Variants in UHRF2 observed in about 807,000 individuals in gnomAD.
The protein encoded by UHRF2 is ubiquitin like with PHD and ring finger domains 2.
UHRF2 carries 23 observed loss-of-function variants against 96.8 expected under a neutral mutation model. The observed-to-expected ratio is 0.24, with a 90% CI of 0.17 to 0.34. The LOEUF (loss-of-function observed/expected upper bound fraction) is 0.34. UHRF2 is among the 10% of genes least tolerant of loss of function. The pLI, the probability that UHRF2 is intolerant of heterozygous loss-of-function variation, is 1.00. For synonymous variants in UHRF2, 385 were observed against 332.6 expected (o/e 1.16, Z -1.72); for missense variants, 685 against 981.5 (o/e 0.70, Z 4.04).
intron 4 of UHRF2, among the ~76,000 whole-genome samples, chr9:6,467,705 C>G (rs992612134): frequency 7.0e-6 from 1 of 142,144 alleles, no homozygotes; most frequent in Non-Finnish European, 1.5e-5. Flanking sequence ...TTTGAATTTG[C>G]TTGTTTACTA....
intron 3 of UHRF2, among the ~76,000 whole-genome samples, chr9:6,443,848 T>C (rs1821331993): frequency 6.6e-6 from 1 of 152,228 alleles, no homozygotes; most frequent in Admixed American, 6.5e-5. Context: ...CTGGCAAACG[T>C]CTTAAAATAT....
chr9:6,479,448 A>G (rs1823791090), intron 6 of UHRF2, among the ~76,000 whole-genome samples: 1 of 152,040 alleles, frequency 6.6e-6, no homozygotes, highest in Non-Finnish European at 1.5e-5. Flanking sequence ...ACCAGATTTC[A>G]GAGCACCCCA....
At chr9:6,475,226 C>T (rs1823495103) in intron 4 of UHRF2, among the ~76,000 whole-genome samples, 165 bp from the exon 5 acceptor site, 1 of 152,120 alleles carries the variant, frequency 6.6e-6, no homozygotes, top group Non-Finnish European at 1.5e-5. Context: ...TCACTATGGA[C>T]TTTTCCTACT....
At chr9:6,473,316 G>GA (rs1365380456) in intron 4 of UHRF2, among the ~76,000 whole-genome samples, 1 of 152,160 alleles carries the variant, frequency 6.6e-6, no homozygotes, top group African/African-American at 2.4e-5. Context: ...AGTCAGTATG[G>GA]AAGTTGTTAG....
intron 4 of UHRF2, among the ~76,000 whole-genome samples, chr9:6,470,936 A>G (rs931498793): frequency 8.5e-5 from 13 of 152,232 alleles, no homozygotes; most frequent in Admixed American, 7.2e-4. Context: ...ATCAGCCTTT[A>G]TATTAACTGT....
chr9:6,423,878 G>T (rs191701266), intron 2 of UHRF2, among the ~76,000 whole-genome samples: 27 of 152,208 alleles, frequency 1.8e-4, no homozygotes, highest in African/African-American at 6.5e-4. Flanking sequence ...TTGGAGGGCA[G>T]AGGTTGCAGT....
At chr9:6,494,928 C>A (rs1056992014) in intron 10 of UHRF2, 4 of 152,116 alleles carry the variant, frequency 2.6e-5, no homozygotes, top group African/African-American at 7.2e-5. Context: ...TTTTACTGAA[C>A]CAGCAGAGGA....
At chr9:6,442,218 C>T (rs1007169185) in intron 3 of UHRF2, among the ~76,000 whole-genome samples, 1 of 152,164 alleles carries the variant, frequency 6.6e-6, no homozygotes, top group East Asian at 1.9e-4. Context: ...CCAGCCTCAG[C>T]CTCCCAAAGT....
intron 4 of UHRF2, among the ~76,000 whole-genome samples, chr9:6,471,411 G>A (rs1183227960): frequency 6.6e-6 from 1 of 152,234 alleles, no homozygotes; most frequent in African/African-American, 2.4e-5. Flanking sequence ...TCACCCTCAT[G>A]TGGTTTTCAG....
intron 14 of UHRF2, among the ~76,000 whole-genome samples, chr9:6,502,839 A>G (rs1193075118): frequency 3.9e-5 from 6 of 152,206 alleles, no homozygotes. Context: ...AGTTTCCAGC[A>G]TCTCCACATA....
chr9:6,497,979 T>G, intron 11 of UHRF2, 39 bp from the exon 12 acceptor site: 1 of 1,605,832 alleles, frequency 6.2e-7, no homozygotes, highest in Non-Finnish European at 8.5e-7. Context: ...TAAGTCTAAA[T>G]TTTAAATCTC....
chr9:6,456,673 G>A (rs201155991), intron 3 of UHRF2, among the ~76,000 whole-genome samples: 3 of 152,066 alleles, frequency 2.0e-5, no homozygotes, highest in African/African-American at 4.8e-5. Flanking sequence ...TAGGTCTTAC[G>A]TTTAAGTCTT....
intron 4 of UHRF2, among the ~76,000 whole-genome samples, chr9:6,469,582 C>G (rs1480131037): frequency 1.3e-5 from 2 of 150,786 alleles, no homozygotes; most frequent in South Asian, 2.1e-4. Flanking sequence ...GATTAGGAAA[C>G]CAGAAGATAA....
At chr9:6,439,072 G>A (rs1227051522) in intron 3 of UHRF2, among the ~76,000 whole-genome samples, 3 of 152,098 alleles carry the variant, frequency 2.0e-5, no homozygotes, top group Non-Finnish European at 4.4e-5. Context: ...CAAACACTAA[G>A]TTTATGAAAA....
intron 3 of UHRF2, among the ~76,000 whole-genome samples, chr9:6,454,915 A>G (rs1822085899): frequency 6.6e-6 from 1 of 152,212 alleles, no homozygotes; most frequent in Non-Finnish European, 1.5e-5. Flanking sequence ...GCTGGACCTC[A>G]TTTCCAGAGT....
chr9:6,487,008 T>TA, intron 9 of UHRF2, 83 bp downstream of exon 9: 2 of 1,263,264 alleles, frequency 1.6e-6, no homozygotes, highest in South Asian at 2.6e-5. Context: ...ATACATCAAA[T>TA]ACTGTTGTGT....
chr9:6,451,773 T>TTTGTTGTTG (rs1168664809), intron 3 of UHRF2, among the ~76,000 whole-genome samples: 35,323 of 148,500 alleles, frequency 0.24, 4,467 homozygotes, highest in Middle Eastern at 0.32. Flanking sequence ...GCCCGGCCTG[T>TTTGTTGTTG]TTGTTGTTGT....
At chr9:6,425,599 TA>T (rs879401826) in intron 2 of UHRF2, among the ~76,000 whole-genome samples, 390 of 140,944 alleles carry the variant, frequency 2.8e-3, no homozygotes, top group Non-Finnish European at 2.6e-3. Flanking sequence ...TGCCGAAAAT[TA>T]AAAAAAAAAA....
chr9:6,429,887 T>C (rs1007111391), intron 2 of UHRF2, among the ~76,000 whole-genome samples: 1 of 152,230 alleles, frequency 6.6e-6, no homozygotes, highest in Non-Finnish European at 1.5e-5. Context: ...AAATGGTACC[T>C]AGCATATAGT....
Sources: allele counts gnomAD v4.1 joint callset (sites outside exome capture counted in the v4.1 genomes callset), GRCh38; gene constraint gnomAD v4.1.1; transcripts MANE v1.5; gene names NCBI Gene and HGNC (gene_info 2026-07-23, HGNC 2026-07-21).